The following ARHGAP35 variants were observed in gnomAD, a reference collection of about 807,000 sequenced individuals.
ARHGAP35 encodes Rho GTPase activating protein 35, also known as rho GTPase-activating protein 35.
A neutral mutation model predicts 111.1 loss-of-function variants in ARHGAP35; 15 were observed. That is an observed-to-expected ratio of 0.13 (90% confidence interval 0.09 to 0.21). ARHGAP35 has a LOEUF of 0.21. Ranked by LOEUF, ARHGAP35 falls within the 10% of genes least tolerant of loss-of-function variation. ARHGAP35 has a pLI of 1.00. For missense variants in ARHGAP35, 1,262 were observed against 1,873.0 expected (o/e 0.67, Z 6.02); for synonymous variants, 643 against 710.3 (o/e 0.91, Z 1.51).
intron 1 of ARHGAP35, among the ~76,000 whole-genome samples, chr19:46,891,255 A>G (rs921343820): frequency 2.6e-5 from 4 of 152,216 alleles, no homozygotes; most frequent in Non-Finnish European, 4.4e-5. Flanking sequence ...ATTATAAACC[A>G]TGGAGGAATT....
Position 46,989,811 on chromosome 19 carries a change from G to C in ARHGAP35, c.4036+136G>C. 2.8e-6 allele frequency: 4 copies of C among 1,420,930 alleles called. No homozygotes were observed. Among genetic ancestry groups the C allele is most frequent in the Non-Finnish European group, 3.8e-6 (4 of 1,043,382 alleles). The allele number at this position is 1,420,930 out of a possible 1,614,324, so 88.0% of individuals were successfully genotyped here. ...GGACAGAGGGCAAGGGAATTAACCAGATGACAGCAATGGGACTTGCAAATC... is the reference window on the plus strand; with the variant it reads ...GGACAGAGGGCAAGGGAATTAACCACATGACAGCAATGGGACTTGCAAATC... On this transcript the variant is annotated intron_variant, in intron 5 of 6. Transcript: ENST00000672722. The surrounding 1 kb of genome is among the most constrained non-coding windows in gnomAD (Gnocchi z 5.3).
chr19:46,964,331 G>A (rs556001031), intron 3 of ARHGAP35, among the ~76,000 whole-genome samples: 1 of 151,928 alleles, frequency 6.6e-6, no homozygotes, highest in African/African-American at 2.4e-5. Context: ...GCAGTGGCGT[G>A]ATCATGGCTC....
At chr19:46,959,891 A>T (rs2056467412) in intron 3 of ARHGAP35, among the ~76,000 whole-genome samples, 1 of 151,632 alleles carries the variant, frequency 6.6e-6, no homozygotes, top group African/African-American at 2.4e-5. Context: ...TGAGCCTAGG[A>T]GTTCGAGACC....
intron 3 of ARHGAP35, among the ~76,000 whole-genome samples, chr19:46,983,814 A>G (rs556918526): frequency 1.1e-3 from 166 of 151,972 alleles, no homozygotes; most frequent in Non-Finnish European, 2.0e-3. Flanking sequence ...ACGGGGTTTC[A>G]CAATGTTAAC....
At chr19:46,874,597 T>C (rs1379521207) in intron 1 of ARHGAP35, among the ~76,000 whole-genome samples, 2 of 140,988 alleles carry the variant, frequency 1.4e-5, no homozygotes, top group East Asian at 2.2e-4. Context: ...CTCCGCCTCC[T>C]GCGTTCAAGC....
At chr19:46,910,517 C>T (rs1042447410) in intron 1 of ARHGAP35, among the ~76,000 whole-genome samples, 8 of 151,560 alleles carry the variant, frequency 5.3e-5, no homozygotes, top group African/African-American at 1.9e-4. Context: ...GTCTCAGACT[C>T]CTGACCTCAA....
chr19:46,870,361 C>T (rs982785064), intron 1 of ARHGAP35, among the ~76,000 whole-genome samples: 3 of 151,624 alleles, frequency 2.0e-5, no homozygotes, highest in East Asian at 2.0e-4. Context: ...GGGTGGATCA[C>T]GAGGTCAGGA....
chr19:46,987,464 C>T (rs545067873), intron 3 of ARHGAP35, among the ~76,000 whole-genome samples: 236 of 152,160 alleles, frequency 1.6e-3, no homozygotes, highest in African/African-American at 5.5e-3. Context: ...ATCCTCCTGC[C>T]TCAGCCTTCC....
chr19:46,911,817 C>T (rs1462194357), intron 1 of ARHGAP35, among the ~76,000 whole-genome samples: 1 of 152,128 alleles, frequency 6.6e-6, no homozygotes, highest in Non-Finnish European at 1.5e-5. Flanking sequence ...TTAAGGTTCT[C>T]TAAATTCATC....
intron 5 of ARHGAP35, among the ~76,000 whole-genome samples, chr19:46,991,031 G>A (rs1380228683): frequency 6.6e-6 from 1 of 152,238 alleles, no homozygotes; most frequent in Admixed American, 6.5e-5. Flanking sequence ...GGGTCATAGA[G>A]TAGCCTGCTT....
At chr19:46,931,394 C>G (rs1004440520) in intron 2 of ARHGAP35, among the ~76,000 whole-genome samples, 10 of 152,140 alleles carry the variant, frequency 6.6e-5, no homozygotes, top group African/African-American at 2.4e-4. Context: ...TGGACTTGGA[C>G]AGGGTCTGTG....
intron 1 of ARHGAP35, among the ~76,000 whole-genome samples, chr19:46,895,252 C>G (rs1224445844): frequency 6.6e-6 from 1 of 151,924 alleles, no homozygotes; most frequent in African/African-American, 2.4e-5. Context: ...CAAGCTCCAC[C>G]TCCCGGGTTC....
At position 46,988,116 on chromosome 19, in the gene ARHGAP35, A is replaced by C. The variant is rs1034561955; in HGVS notation, c.3904+50A>C. The C allele has an allele frequency of 4.5e-6, 7 of 1,548,546 alleles. No individual in the cohort carries two copies. The African/African-American group carries it at 9.5e-5, about 21-fold the overall frequency. Reference sequence around the variant, plus strand: ...CCGAGGCCAGAGCTGGTCAAGGCAGACACAGCTGCCTCGGTGAACTGTCTG... The same window carrying C: ...CCGAGGCCAGAGCTGGTCAAGGCAGCCACAGCTGCCTCGGTGAACTGTCTG... On this transcript the variant is annotated intron_variant, in intron 4 of 6. Coordinates refer to ENST00000672722, the MANE Select transcript of ARHGAP35 (RefSeq NM_004491.5). The surrounding 1 kb of genome is among the most constrained non-coding windows in gnomAD (Gnocchi z 5.4).
At chr19:46,879,808 G>T (rs2055950000) in intron 1 of ARHGAP35, among the ~76,000 whole-genome samples, 1 of 146,126 alleles carries the variant, frequency 6.8e-6, no homozygotes, top group Non-Finnish European at 1.5e-5. Flanking sequence ...AAAAATCGCT[G>T]GGTGCAGTGG....
At chr19:46,983,019 A>C (rs2056629086) in intron 3 of ARHGAP35, among the ~76,000 whole-genome samples, 1 of 128,264 alleles carries the variant, frequency 7.8e-6, no homozygotes, top group South Asian at 2.6e-4. Flanking sequence ...GTGCTACTGC[A>C]CTCCAGCCTG....
At chr19:46,971,931 A>G (rs1157098146) in intron 3 of ARHGAP35, among the ~76,000 whole-genome samples, 1 of 152,228 alleles carries the variant, frequency 6.6e-6, no homozygotes, top group Non-Finnish European at 1.5e-5. Context: ...TCTTCAGAAA[A>G]TATCAGCCCA....
intron 3 of ARHGAP35, among the ~76,000 whole-genome samples, chr19:46,940,148 T>C (rs1252600015): frequency 6.6e-6 from 1 of 151,830 alleles, no homozygotes; most frequent in Non-Finnish European, 1.5e-5. Flanking sequence ...AGGCGGAAGA[T>C]CAGGAATTCG....
In ARHGAP35 at chr19:47,001,617, G is replaced by A. The variant is rs1455087870; in HGVS notation, c.*929G>A. ...GCTAGATCCCCCGTTTTCCCAAGAA[G>A]AGGGTTCGAGCCCTTGGTGGGGACA... On this transcript the variant is annotated 3_prime_UTR_variant, in exon 7 of 7. Transcript: ENST00000672722. The surrounding 1 kb of genome is among the most constrained non-coding windows in gnomAD (Gnocchi z 5.4). 1.1e-5 allele frequency: 4 copies of A among 369,444 alleles called. No individual in the cohort carries two copies. Among genetic ancestry groups the A allele is most frequent in the South Asian group, 2.1e-5 (1 of 46,966 alleles). 22.9% of individuals were successfully genotyped at this position (369,444 alleles called of 1,614,324 possible). A position where few individuals can be genotyped will look rare whatever the true frequency, so the allele number is the denominator to read the frequency against.
chr19:46,937,087 G>A (rs1283429702), intron 2 of ARHGAP35, among the ~76,000 whole-genome samples, 177 bp from the exon 3 acceptor site: 3 of 152,030 alleles, frequency 2.0e-5, no homozygotes, highest in Non-Finnish European at 2.9e-5. Flanking sequence ...TGATCCACCC[G>A]CCTCGGCCTC....
Sources: allele counts gnomAD v4.1 joint callset (sites outside exome capture counted in the v4.1 genomes callset), GRCh38; gene constraint gnomAD v4.1.1; non-coding constraint Gnocchi (gnomAD v3.1); transcripts MANE v1.5; gene names NCBI Gene and HGNC (gene_info 2026-07-23, HGNC 2026-07-21).